TRRAP: variants seen among roughly 807,000 people sequenced by gnomAD.
The protein encoded by TRRAP is transformation/transcription domain associated protein.
A neutral mutation model predicts 438.8 loss-of-function variants in TRRAP; 41 were observed. The observed-to-expected ratio is 0.09, with a 90% CI of 0.07 to 0.12. The LOEUF (loss-of-function observed/expected upper bound fraction) is 0.12. TRRAP is among the 10% of genes least tolerant of loss of function. The pLI is 1.00. For missense variants in TRRAP, 3,122 were observed against 5,055.1 expected (o/e 0.62, Z 11.60); for synonymous variants, 1,994 against 1,962.9 (o/e 1.02, Z -0.42).
rs546858919 is a variant in TRRAP at position 98,892,806 on chromosome 7, C to T, written c.366+278C>T. On this transcript the variant is annotated intron_variant, in intron 5 of 72. Coordinates refer to ENST00000456197, the MANE Select transcript of TRRAP (RefSeq NM_001375524.1). The stretch of plus-strand genomic sequence containing the variant: ...GGTGAGCCGGGTGCGGGCCCGCAGA[C>T]GCCCAGTGAGTGGCTCACTTGCATT... Among the ~76,000 whole-genome samples, 26 of 152,332 alleles carry T rather than the reference C, an allele frequency of 1.7e-4. No homozygotes were observed. The East Asian group carries it at 2.7e-3, about 16-fold the overall frequency.
intron 6 of TRRAP, 50 bp from the exon 7 acceptor site, chr7:98,895,714 T>A (rs1318261121): frequency 6.7e-7 from 1 of 1,482,144 alleles, no homozygotes; most frequent in Non-Finnish European, 9.2e-7. Flanking sequence ...ATTATGGGTA[T>A]TTTCTGTTTA....
chr7:98,965,850 C>T lies in TRRAP; in HGVS notation c.7131C>T (p.Ile2377=), dbSNP rs1276082943. 1.9e-6 allele frequency: 3 copies of T among 1,614,062 alleles called. No homozygotes were observed. Among genetic ancestry groups the T allele is most frequent in the East Asian group, 2.2e-5 (1 of 44,874 alleles). The change falls in exon 49 of 73, where the codon ATC becomes ATT. Residue 2377 remains isoleucine, a synonymous_variant. Transcript: ENST00000456197. ...DAKILRAVVK[I]VEEWVKNNSP... is the part of the protein sequence containing the mutation. ...AAATCCTCCGGGCTGTGGTCAAAAT[C>T]GTGGAAGAATGGGTCAAGAATAACT...
At chr7:98,945,234 A>G (rs1208310354) in intron 31 of TRRAP, among the ~76,000 whole-genome samples, 3 of 152,228 alleles carry the variant, frequency 2.0e-5, no homozygotes, top group African/African-American at 7.2e-5. Flanking sequence ...GCACACATAC[A>G]TGCGTGCACA....
chr7:98,988,639 G>A (rs368720305), intron 62 of TRRAP, 126 bp from the exon 63 acceptor site: 97 of 1,098,216 alleles, frequency 8.8e-5, no homozygotes, highest in Non-Finnish European at 1.1e-4. Context: ...CTTATGGGGC[G>A]GTTGCACAAC....
chr7:98,920,997 G>A (rs998456496), intron 20 of TRRAP, among the ~76,000 whole-genome samples: 8 of 152,084 alleles, frequency 5.3e-5, no homozygotes, highest in Non-Finnish European at 1.2e-4. Context: ...GTGCCACCAC[G>A]CCCAGCTAAT....
chr7:98,879,527 G>A (rs1554402696), intron 1 of TRRAP, among the ~76,000 whole-genome samples: 1 of 151,904 alleles, frequency 6.6e-6, no homozygotes, highest in Admixed American at 6.6e-5. Context: ...GGGATGGATA[G>A]GGAGAGACCG....
At chr7:98,899,401 C>T in intron 8 of TRRAP, 21 bp from the exon 9 acceptor site, 3 of 1,612,862 alleles carry the variant, frequency 1.9e-6, no homozygotes, top group Middle Eastern at 1.7e-4. Context: ...AACCCGGGTC[C>T]TACCCATTTC....
chr7:98,906,339 G>A, intron 13 of TRRAP, 84 bp downstream of exon 13: 1 of 1,107,726 alleles, frequency 9.0e-7, no homozygotes, highest in South Asian at 1.5e-5. Flanking sequence ...GTGTTTCAAT[G>A]AACACCGGCT....
rs995970232 is a variant in TRRAP, at chr7:99,005,688, T to C, written c.10753+340T>C. Among the ~76,000 whole-genome samples, 5 of 152,210 alleles carry C rather than the reference T, an allele frequency of 3.3e-5. No homozygotes were observed. The highest frequency in any genetic ancestry group is 1.2e-4 in the African/African-American group (5 of 41,450). On this transcript the variant is annotated intron_variant, in intron 69 of 72. Transcript: ENST00000456197. The surrounding 1 kb of genome is among the most constrained non-coding windows in gnomAD (Gnocchi z 5.1). ...ACATTATGAGATTTCTTTTTCTTTT[T>C]TTTTTTCTTTTTTAGCTCATCACCT...
intron 3 of TRRAP, 101 bp downstream of exon 3, chr7:98,882,125 T>A: frequency 5.0e-6 from 5 of 1,006,000 alleles, no homozygotes; most frequent in Non-Finnish European, 7.3e-6. Flanking sequence ...TCAAAGATCA[T>A]TGTCTTTGTT....
intron 3 of TRRAP, among the ~76,000 whole-genome samples, chr7:98,888,026 C>T (rs983094812): frequency 1.3e-5 from 2 of 151,828 alleles, no homozygotes; most frequent in African/African-American, 2.4e-5. Flanking sequence ...GTCAGGAGAT[C>T]GAGACCATCT....
chr7:98,970,189 C>T lies in TRRAP; in HGVS notation c.7590C>T (p.Asn2530=), dbSNP rs754938319. Reference sequence around the variant, plus strand: ...GAGCCATGCTCCCGTCCATCACCAACGTCATCAACCTGGCCGATAGCCACG... The same window carrying T: ...GAGCCATGCTCCCGTCCATCACCAATGTCATCAACCTGGCCGATAGCCACG... The part of the protein sequence containing the change: ...CQGAMLPSIT[N]VINLADSHDR... The change falls in exon 52 of 73, where the codon AAC becomes AAT. Residue 2530 remains asparagine (N), a synonymous_variant. Coordinates refer to ENST00000456197, the MANE Select transcript of TRRAP (RefSeq NM_001375524.1). 2.6e-5 allele frequency: 42 copies of T among 1,613,820 alleles called. No individual in the cohort carries two copies. Among genetic ancestry groups the T allele is most frequent in the South Asian group, 7.7e-5 (7 of 91,092 alleles).
intron 30 of TRRAP, among the ~76,000 whole-genome samples, chr7:98,940,896 A>C (rs1465763683): frequency 2.0e-5 from 3 of 152,198 alleles, no homozygotes; most frequent in Non-Finnish European, 4.4e-5. Context: ...GTTTTCCCTC[A>C]TAAGCCTTCG....
chr7:99,001,187 C>T (rs1005270890), intron 67 of TRRAP, among the ~76,000 whole-genome samples: 1 of 152,224 alleles, frequency 6.6e-6, no homozygotes, highest in African/African-American at 2.4e-5. Context: ...CCTGCAGTTG[C>T]TCCAGGCAGT....
intron 11 of TRRAP, among the ~76,000 whole-genome samples, chr7:98,901,934 G>A (rs1554406715): frequency 6.6e-6 from 1 of 152,178 alleles, no homozygotes; most frequent in African/African-American, 2.4e-5. Context: ...CCACAGATTT[G>A]TACCATTACC....
intron 33 of TRRAP, among the ~76,000 whole-genome samples, chr7:98,946,998 C>T (rs1695547361): frequency 6.6e-6 from 1 of 152,272 alleles, no homozygotes. Flanking sequence ...TCTCCATCTC[C>T]TGCTTTGCCT....
chr7:98,977,476 T>C (rs1289827672), intron 56 of TRRAP, among the ~76,000 whole-genome samples: 1 of 152,202 alleles, frequency 6.6e-6, no homozygotes, highest in African/African-American at 2.4e-5. Flanking sequence ...CACATTTAAA[T>C]ACGTTTTAAA....
chr7:98,892,326 G>A, intron 4 of TRRAP, 98 bp from the exon 5 acceptor site: 2 of 991,880 alleles, frequency 2.0e-6, no homozygotes, highest in Non-Finnish European at 3.1e-6. Context: ...CTAGTGCTGG[G>A]TGTAAACAGC....
chr7:98,966,560 C>T (rs919199841), intron 49 of TRRAP, among the ~76,000 whole-genome samples: 3 of 152,058 alleles, frequency 2.0e-5, no homozygotes, highest in Non-Finnish European at 4.4e-5. Context: ...TGGCGCATGC[C>T]TGTAATCCCG....
Sources: allele counts gnomAD v4.1 joint callset (sites outside exome capture counted in the v4.1 genomes callset), GRCh38; gene constraint gnomAD v4.1.1; non-coding constraint Gnocchi (gnomAD v3.1); transcripts MANE v1.5; gene names NCBI Gene and HGNC (gene_info 2026-07-23, HGNC 2026-07-21).